The following TARBP1 variants were observed in gnomAD, a reference collection of about 807,000 sequenced individuals.
TARBP1 encodes tRNA guanosine 2 -O-methyltransferase TARBP1.
Under a neutral mutation model 178.6 loss-of-function variants are expected in TARBP1, and 144 were observed. That is an observed-to-expected ratio of 0.81 (90% CI 0.70 to 0.93). The LOEUF is 0.93. Ranked by LOEUF, TARBP1 falls within the 40% of genes least tolerant of loss-of-function variation. The pLI is 0.00. For missense variants in TARBP1, 2,067 were observed against 2,011.7 expected, an observed-to-expected ratio of 1.03 and a Z score of -0.53; for synonymous variants, 787 against 781.0, an observed-to-expected ratio of 1.01 and a Z score of -0.13.
chr1:234,469,193 C>T (rs950942847), intron 3 of TARBP1, among the ~76,000 whole-genome samples: 20 of 149,438 alleles, frequency 1.3e-4, no homozygotes, highest in African/African-American at 4.9e-4. Context: ...AAATCAAAAC[C>T]ATGGAATAAA....
At chr1:234,434,148 T>G (rs985097249) in intron 13 of TARBP1, among the ~76,000 whole-genome samples, 3 of 152,146 alleles carry the variant, frequency 2.0e-5, no homozygotes, top group Non-Finnish European at 4.4e-5. Flanking sequence ...ATCTCATAAT[T>G]CAGGTGGGGA....
At chr1:234,425,868 TATC>T in intron 19 of TARBP1, 75 bp from the exon 20 acceptor site, 2 of 1,211,332 alleles carry the variant, frequency 1.7e-6, no homozygotes, top group Non-Finnish European at 2.3e-6. Flanking sequence ...TAGTTTCAAA[TATC>T]ATTACACGAT....
intron 11 of TARBP1, among the ~76,000 whole-genome samples, 160 bp downstream of exon 11, chr1:234,448,320 A>G (rs149693322): frequency 5.8e-4 from 89 of 152,324 alleles, no homozygotes; most frequent in African/African-American, 2.1e-3. Flanking sequence ...CCTATTTGTT[A>G]TTAACTTTAA....
chr1:234,429,524 G>A lies in TARBP1; in HGVS notation c.2763C>T (p.Ala921=), dbSNP rs749706324. 2.8e-5 allele frequency: 45 copies of A among 1,613,990 alleles called. No homozygotes were observed. The highest frequency in any genetic ancestry group is 6.7e-5 in the African/African-American group (5 of 74,902). ...GCAAAGTCCTTATTGGCATCTGAAC[G>A]GCAGGTAGAAACGGTTCCAGAATTT... ...GSEILEPFLP[A]VQMPIRTLQS... The change falls in exon 16 of 30, where the codon GCC becomes GCT. Residue 921 remains alanine (A), a synonymous_variant. Transcript: ENST00000040877.
intron 25 of TARBP1, among the ~76,000 whole-genome samples, chr1:234,399,501 A>G (rs559454349): frequency 7.4e-4 from 113 of 152,316 alleles, no homozygotes; most frequent in African/African-American, 2.6e-3. Context: ...ATCTAGAACT[A>G]GAAATACCAT....
Position 234,420,699 on chromosome 1 carries a change from T to C in TARBP1, c.3555+3A>G. ...AGGTACAAATATAATAAAAATATGA[T>C]ACCTGGTCAAGTCTAGGGAAAAGTA... On this transcript the variant is annotated splice_donor_region_variant and intron_variant, in intron 21 of 29. Coordinates refer to ENST00000040877, the MANE Select transcript of TARBP1 (RefSeq NM_005646.4). 2 of 1,587,364 alleles carry C rather than the reference T, an allele frequency of 1.3e-6. No individual in the cohort carries two copies. The highest frequency in any genetic ancestry group is 1.1e-5 in the South Asian group (1 of 88,232).
At chr1:234,398,955 C>G (rs554539402) in intron 25 of TARBP1, among the ~76,000 whole-genome samples, 4 of 152,340 alleles carry the variant, frequency 2.6e-5, no homozygotes, top group African/African-American at 7.2e-5. Context: ...CTTTTACTCT[C>G]GTACCCATTA....
At chr1:234,441,403 C>T (rs972301242) in intron 12 of TARBP1, among the ~76,000 whole-genome samples, 1 of 152,040 alleles carries the variant, frequency 6.6e-6, no homozygotes, top group African/African-American at 2.4e-5. Flanking sequence ...ACCACACTAC[C>T]TATTTTAAGA....
chr1:234,430,156 A>G lies in TARBP1; in HGVS notation c.2540T>C (p.Leu847Pro), dbSNP rs775396310. 3 of 1,614,120 alleles carry G rather than the reference A, an allele frequency of 1.9e-6. No individual in the cohort carries two copies. In the Admixed American group the frequency reaches 5.0e-5, roughly 27 times the overall value. The change falls in exon 15 of 30, where the codon CTC (leucine) becomes CCC (proline). Residue 847 changes from leucine to proline, a missense_variant. By Grantham distance (98) the Leu-to-Pro change is moderately conservative. Transcript: ENST00000040877. ...PLESFLSSLQ[L>P]NQTLQKPHAE... ...GTGGGGCTTCTGCAGCGTCTGATTGAGCTGAAGAGAGGAAAGGAAGCTTTC... is the reference window on the plus strand; with the variant it reads ...GTGGGGCTTCTGCAGCGTCTGATTGGGCTGAAGAGAGGAAAGGAAGCTTTC...
chr1:234,474,517 ACTCCT>A (rs1231303565), intron 1 of TARBP1, among the ~76,000 whole-genome samples: 1 of 152,018 alleles, frequency 6.6e-6, no homozygotes, highest in Non-Finnish European at 1.5e-5. Context: ...ATGAAAATAG[ACTCCT>A]ATCAAAACTG....
intron 5 of TARBP1, among the ~76,000 whole-genome samples, chr1:234,464,945 G>A (rs769321487): frequency 6.6e-6 from 1 of 152,154 alleles, no homozygotes; most frequent in Non-Finnish European, 1.5e-5. Context: ...GTAGAGACAG[G>A]ATGAATAACA....
chr1:234,412,434 A>G (rs1407703369), intron 22 of TARBP1, among the ~76,000 whole-genome samples: 1 of 152,004 alleles, frequency 6.6e-6, no homozygotes, highest in Non-Finnish European at 1.5e-5. Flanking sequence ...AAAAAAAAAA[A>G]AAGACAATAT....
At chr1:234,472,956 G>A in intron 1 of TARBP1, 145 bp from the exon 2 acceptor site, 1 of 679,094 alleles carries the variant, frequency 1.5e-6, no homozygotes, top group Non-Finnish European at 2.5e-6. Context: ...CCTGGATAGG[G>A]GGCTTGGGAA....
chr1:234,425,547 A>G (rs1663645146), intron 20 of TARBP1, 126 bp downstream of exon 20: 1 of 1,046,004 alleles, frequency 9.6e-7, no homozygotes, highest in African/African-American at 1.6e-5. Context: ...TTAAAAATAC[A>G]GAACATAAAC....
chr1:234,420,875 A>C (rs899302156), intron 20 of TARBP1, 63 bp from the exon 21 acceptor site: 82 of 1,018,448 alleles, frequency 8.1e-5, no homozygotes, highest in Non-Finnish European at 1.1e-4. Flanking sequence ...TTAATGAAAA[A>C]ATCAATGACA....
At chr1:234,393,882 A>C in intron 26 of TARBP1, 45 bp from the exon 27 acceptor site, 2 of 1,422,650 alleles carry the variant, frequency 1.4e-6, no homozygotes, top group Non-Finnish European at 1.9e-6. Flanking sequence ...ATAAATCTGA[A>C]TCTCTATATA....
At chr1:234,471,674 A>G (rs757545493) in intron 2 of TARBP1, among the ~76,000 whole-genome samples, 8 of 152,234 alleles carry the variant, frequency 5.3e-5, no homozygotes, top group Non-Finnish European at 2.9e-5. Context: ...AATACCACAT[A>G]GCCAAAGTTG....
chr1:234,459,595 T>A (rs1667637687), intron 7 of TARBP1, among the ~76,000 whole-genome samples: 1 of 152,144 alleles, frequency 6.6e-6, no homozygotes, highest in African/African-American at 2.4e-5. Context: ...GTAGGTCACC[T>A]GAGGTCAGGA....
At chr1:234,401,471 C>T (rs1660670398) in intron 24 of TARBP1, among the ~76,000 whole-genome samples, 1 of 152,164 alleles carries the variant, frequency 6.6e-6, no homozygotes, top group African/African-American at 2.4e-5. Flanking sequence ...TGAAATGGAA[C>T]CTTAAACCTA....
Sources: allele counts gnomAD v4.1 joint callset (sites outside exome capture counted in the v4.1 genomes callset), GRCh38; gene constraint gnomAD v4.1.1; transcripts MANE v1.5; gene names NCBI Gene and HGNC (gene_info 2026-07-23, HGNC 2026-07-21).